PTPRD: variants seen among roughly 807,000 people sequenced by gnomAD.
PTPRD encodes receptor-type tyrosine-protein phosphatase delta.
A neutral mutation model predicts 214.5 loss-of-function variants in PTPRD; 34 were observed. The observed-to-expected ratio is 0.16, with a 90% CI of 0.12 to 0.21. The LOEUF is 0.21. Among genes scored for constraint, PTPRD ranks in the 10% least tolerant of loss-of-function variants. PTPRD has a pLI of 1.00. For synonymous variants in PTPRD, 1,128 were observed against 845.7 expected, an observed-to-expected ratio of 1.33 and a Z score of -5.79; for missense variants, 2,545 against 2,398.7, an observed-to-expected ratio of 1.06 and a Z score of -1.27.
chr9:9,337,991 G>A (rs541910470), intron 9 of PTPRD, among the ~76,000 whole-genome samples: 2 of 152,214 alleles, frequency 1.3e-5, no homozygotes, highest in South Asian at 2.1e-4. Context: ...GCATTAAGAG[G>A]AGATAACTTT....
intron 10 of PTPRD, among the ~76,000 whole-genome samples, chr9:9,147,951 G>A (rs2099871460): frequency 6.6e-6 from 1 of 152,162 alleles, no homozygotes; most frequent in African/African-American, 2.4e-5. Flanking sequence ...AAGCTTTTCA[G>A]CTGAGTCTGA....
At chr9:10,151,585 T>C (rs1446443132) in intron 3 of PTPRD, among the ~76,000 whole-genome samples, 1 of 152,064 alleles carries the variant, frequency 6.6e-6, no homozygotes, top group Non-Finnish European at 1.5e-5. Flanking sequence ...TTAAATCTTT[T>C]TTAAAAATTA....
intron 12 of PTPRD, among the ~76,000 whole-genome samples, chr9:8,693,343 A>G (rs536979277): frequency 9.8e-5 from 15 of 152,330 alleles, no homozygotes; most frequent in African/African-American, 2.9e-4. Context: ...TCCTCTCATG[A>G]CAAACATATC....
At chr9:8,618,719 C>A (rs2154297823) in intron 14 of PTPRD, among the ~76,000 whole-genome samples, 1 of 151,906 alleles carries the variant, frequency 6.6e-6, no homozygotes, top group Admixed American at 6.6e-5. Flanking sequence ...TGTTTTTAGA[C>A]AGAGTATTGC....
At chr9:8,964,820 T>A (rs1230533360) in intron 11 of PTPRD, among the ~76,000 whole-genome samples, 1 of 152,180 alleles carries the variant, frequency 6.6e-6, no homozygotes, top group Admixed American at 6.6e-5. Flanking sequence ...CAAAAGTCAT[T>A]CAGAAAAAAT....
chr9:8,841,918 G>T (rs1601597406), intron 11 of PTPRD, among the ~76,000 whole-genome samples: 1 of 152,008 alleles, frequency 6.6e-6, no homozygotes, highest in East Asian at 1.9e-4. Flanking sequence ...GGCTGAGGCA[G>T]GAGAATCAGA....
intron 10 of PTPRD, among the ~76,000 whole-genome samples, chr9:9,159,233 G>T (rs1295116854): frequency 6.6e-6 from 1 of 151,936 alleles, no homozygotes; most frequent in African/African-American, 2.4e-5. Context: ...AGAAACAAAA[G>T]AACTACCTAA....
intron 36 of PTPRD, among the ~76,000 whole-genome samples, chr9:8,394,961 G>A (rs2090699680): frequency 6.6e-6 from 1 of 152,150 alleles, no homozygotes; most frequent in Admixed American, 6.5e-5. Context: ...CTAAGAGGCA[G>A]TCTTGGAGGG....
chr9:9,014,007 T>A (rs936737072), intron 11 of PTPRD, among the ~76,000 whole-genome samples: 1 of 148,256 alleles, frequency 6.7e-6, no homozygotes, highest in African/African-American at 2.5e-5. Context: ...GCTGCTGCAT[T>A]TTTGTCTACT....
chr9:10,571,596 A>T (rs2067457598), intron 2 of PTPRD, among the ~76,000 whole-genome samples: 1 of 152,142 alleles, frequency 6.6e-6, no homozygotes, highest in South Asian at 2.1e-4. Context: ...AGTGGTCATG[A>T]CCACCATCAA....
At chr9:10,426,876 C>A (rs1277560338) in intron 2 of PTPRD, among the ~76,000 whole-genome samples, 1 of 152,056 alleles carries the variant, frequency 6.6e-6, no homozygotes, top group Non-Finnish European at 1.5e-5. Context: ...ACGTCTGTCA[C>A]TGTTTCTGAA....
chr9:9,994,059 G>A (rs2096043319), intron 4 of PTPRD, among the ~76,000 whole-genome samples: 1 of 152,040 alleles, frequency 6.6e-6, no homozygotes, highest in East Asian at 1.9e-4. Context: ...GTACAAATAA[G>A]AAAACTGAGA....
In PTPRD at chr9:10,207,599, A is replaced by G. The variant is rs12349347; in HGVS notation, c.-545+133364T>C. 5.9e-3 allele frequency among the ~76,000 whole-genome samples: 901 copies of G among 152,136 alleles called. 4 individuals carry two copies. The highest frequency in any genetic ancestry group is 9.5e-3 in the Non-Finnish European group (648 of 67,948). The stretch of plus-strand genomic sequence containing the variant: ...TTCTAATGAAAATATTAGCCCCATT[A>G]AAACACTACTTGACTCAGAATGTAT... On this transcript the variant is annotated intron_variant, in intron 3 of 45. Transcript: ENST00000381196.
chr9:8,908,813 T>A (rs7022743), intron 11 of PTPRD, among the ~76,000 whole-genome samples: 34,334 of 151,242 alleles, frequency 0.23, 4,198 homozygotes, highest in African/African-American at 0.3. Context: ...AGAAAACTGA[T>A]AAACCTTTAA....
At chr9:8,564,339 T>C (rs1043962575) in intron 14 of PTPRD, among the ~76,000 whole-genome samples, 1 of 152,160 alleles carries the variant, frequency 6.6e-6, no homozygotes, top group Non-Finnish European at 1.5e-5. Context: ...TCATCAAAAA[T>C]CATGATGCAT....
At chr9:9,799,953 C>G (rs1321336272) in intron 5 of PTPRD, among the ~76,000 whole-genome samples, 2 of 152,004 alleles carry the variant, frequency 1.3e-5, no homozygotes, top group African/African-American at 4.8e-5. Context: ...CTTCAAAGTA[C>G]AAAAAGAAAT....
chr9:8,636,918 C>T (rs1595796890), intron 12 of PTPRD, 74 bp from the exon 13 acceptor site: 2 of 1,457,970 alleles, frequency 1.4e-6, no homozygotes, highest in Non-Finnish European at 1.9e-6. Context: ...CCGCTGCTCT[C>T]CCCACCATCC....
At chr9:9,832,060 C>G (rs2055042884) in intron 5 of PTPRD, among the ~76,000 whole-genome samples, 1 of 151,962 alleles carries the variant, frequency 6.6e-6, no homozygotes, top group African/African-American at 2.4e-5. Flanking sequence ...ACCTACCATT[C>G]TCTCCCTAAA....
chr9:8,335,691 G>T (rs922899194), intron 43 of PTPRD, among the ~76,000 whole-genome samples: 1 of 152,158 alleles, frequency 6.6e-6, no homozygotes, highest in Non-Finnish European at 1.5e-5. Flanking sequence ...TAGGAAAAGA[G>T]GAAGTGAAAT....
Sources: allele counts gnomAD v4.1 joint callset (sites outside exome capture counted in the v4.1 genomes callset), GRCh38; gene constraint gnomAD v4.1.1; transcripts MANE v1.5; gene names NCBI Gene and HGNC (gene_info 2026-07-23, HGNC 2026-07-21).